Variants in ARHGEF7 observed in about 807,000 individuals in gnomAD.
ARHGEF7 encodes the protein Rho guanine nucleotide exchange factor 7, also known as PAK-interacting exchange factor beta.
Under a neutral mutation model 109.8 loss-of-function variants are expected in ARHGEF7, and 33 were observed. That is an observed-to-expected ratio of 0.30 (90% confidence interval 0.23 to 0.40). The LOEUF (loss-of-function observed/expected upper bound fraction) is 0.40, where lower values mean the gene tolerates loss of function less well. Among genes scored for constraint, ARHGEF7 ranks in the 10% least tolerant of loss-of-function variants. The probability of loss-of-function intolerance (pLI) is 1.00; values close to 1 mark genes in which losing one functional copy is unlikely to be tolerated. For missense variants in ARHGEF7, 938 were observed against 1,098.5 expected (o/e 0.85, Z 2.07); for synonymous variants, 458 against 424.6 (o/e 1.08, Z -0.97).
intron 18 of ARHGEF7, among the ~76,000 whole-genome samples, chr13:111,289,400 C>T (rs1248435489): frequency 1.3e-5 from 2 of 152,184 alleles, no homozygotes; most frequent in Non-Finnish European, 2.9e-5. Flanking sequence ...AGGGTGGCGG[C>T]TGATGCAGCG....
At chr13:111,270,634 C>T (rs758020817) in intron 9 of ARHGEF7, among the ~76,000 whole-genome samples, 1 of 152,048 alleles carries the variant, frequency 6.6e-6, no homozygotes, top group Non-Finnish European at 1.5e-5. Context: ...TAGTTTTTCT[C>T]TGCTGTACCG....
At chr13:111,230,725 T>A (rs1186458297) in intron 5 of ARHGEF7, among the ~76,000 whole-genome samples, 1 of 152,220 alleles carries the variant, frequency 6.6e-6, no homozygotes, top group Non-Finnish European at 1.5e-5. Context: ...ACTTCAGCAG[T>A]GCCCTCTTGT....
chr13:111,227,306 A>G (rs2085340066), intron 5 of ARHGEF7, among the ~76,000 whole-genome samples: 1 of 152,248 alleles, frequency 6.6e-6, no homozygotes, highest in Non-Finnish European at 1.5e-5. Context: ...CTCACGCTCC[A>G]GAGAAATCTT....
rs572797920 is a variant in ARHGEF7 at position 111,140,957 on chromosome 13, A to G, written c.166-12948A>G. Among the ~76,000 whole-genome samples the G allele has an allele frequency of 2.6e-5, 4 of 152,262 alleles. No homozygotes were observed. In the East Asian group the frequency reaches 7.7e-4, roughly 29 times the overall value. Reference sequence around the variant, plus strand: ...GCCTCCCAAAATGTTGGGATTACATATAAGTTCTAGGCATGAACTACCACA... The same window carrying G: ...GCCTCCCAAAATGTTGGGATTACATGTAAGTTCTAGGCATGAACTACCACA... On this transcript the variant is annotated intron_variant, in intron 1 of 21. Transcript: ENST00000646102.
chr13:111,176,507 C>T (rs1248664221), intron 2 of ARHGEF7, among the ~76,000 whole-genome samples: 5 of 152,206 alleles, frequency 3.3e-5, no homozygotes, highest in Non-Finnish European at 5.9e-5. Flanking sequence ...TCTCTCCTTT[C>T]TCTTCACTGT....
intron 21 of ARHGEF7, among the ~76,000 whole-genome samples, chr13:111,302,453 C>A (rs529935541): frequency 2.0e-5 from 3 of 152,194 alleles, no homozygotes; most frequent in African/African-American, 7.2e-5. Context: ...AAGCAGTGTC[C>A]GCAGGTCTTC....
At chr13:111,196,900 G>A (rs1320630196) in intron 2 of ARHGEF7, among the ~76,000 whole-genome samples, 1 of 152,080 alleles carries the variant, frequency 6.6e-6, no homozygotes, top group Non-Finnish European at 1.5e-5. Context: ...CTTCCCTCAG[G>A]TGGCCATTTT....
At chr13:111,230,852 A>G (rs753796960) in intron 5 of ARHGEF7, among the ~76,000 whole-genome samples, 1 of 152,216 alleles carries the variant, frequency 6.6e-6, no homozygotes, top group Non-Finnish European at 1.5e-5. Context: ...CCTGGACTTA[A>G]TCTGATTTGA....
intron 4 of ARHGEF7, among the ~76,000 whole-genome samples, chr13:111,215,964 C>T (rs1216994025): frequency 1.3e-5 from 2 of 151,944 alleles, no homozygotes; most frequent in Non-Finnish European, 2.9e-5. Context: ...GAAAGTGGTG[C>T]GTGGGAGGTA....
intron 1 of ARHGEF7, among the ~76,000 whole-genome samples, chr13:111,118,814 C>T (rs561639530): frequency 6.6e-6 from 1 of 152,332 alleles, no homozygotes; most frequent in East Asian, 1.9e-4. Flanking sequence ...TCTTAACTCA[C>T]TATAAAAAAC....
Position 111,232,188 on chromosome 13 carries a change from C to CCAT in ARHGEF7, c.671-1017_671-1016insCAT, listed in dbSNP as rs1423044466. On this transcript the variant is annotated intron_variant, in intron 5 of 21. Transcript: ENST00000646102. The stretch of plus-strand genomic sequence containing the variant: ...ATTGTGATAGACACACCCTATCCAT[C>CCAT]TAACCATTAATAGAAATACACACAT... Among the ~76,000 whole-genome samples, 15 of 152,254 alleles carry CCAT rather than the reference C, an allele frequency of 9.9e-5. No individual in the cohort carries two copies. In the South Asian group the frequency reaches 2.9e-3, roughly 29 times the overall value.
Position 111,115,575 on chromosome 13 carries a change from C to T in ARHGEF7, c.49C>T (p.Leu17=). 1 of 1,415,670 alleles carries T rather than the reference C, an allele frequency of 7.1e-7. No homozygotes were observed. Among genetic ancestry groups the T allele is most frequent in the Non-Finnish European group, 9.4e-7 (1 of 1,067,144 alleles). The allele number at this position is 1,415,670 out of a possible 1,614,324, so 87.7% of individuals were successfully genotyped here. The part of the protein sequence containing the change: ...TVTWLITLGV[L]ESPKKTISDP... ...TACGTGGCTCATCACTCTGGGGGTG[C>T]TGGAGTCGCCCAAAAAAACCATCTC... Residue 17 remains leucine (L), a synonymous_variant, in exon 1 of 22, where the codon CTG becomes TTG. Transcript: ENST00000646102.
intron 17 of ARHGEF7, among the ~76,000 whole-genome samples, chr13:111,287,039 C>T (rs745667586): frequency 3.3e-5 from 5 of 152,336 alleles, no homozygotes; most frequent in Non-Finnish European, 4.4e-5. Context: ...GCCCAGCAGC[C>T]GTCCCACACG....
At position 111,234,373 on chromosome 13, in the gene ARHGEF7, C is replaced by T. The variant is rs187782285; in HGVS notation, c.759+1080C>T. ...GCCCACCTTCCATCTGCCCCAGCAT[C>T]GTACTGCAGGACAGACTGGCCTGGG... On this transcript the variant is annotated intron_variant, in intron 6 of 21. Coordinates refer to ENST00000646102, the MANE Select transcript of ARHGEF7 (RefSeq NM_001354046.2). Among the ~76,000 whole-genome samples, 580 of 152,306 alleles carry T rather than the reference C, an allele frequency of 3.8e-3. 5 individuals carry two copies. Among genetic ancestry groups the T allele is most frequent in the Admixed American group, 5.0e-3 (76 of 15,312 alleles).
At chr13:111,211,193 TTTGCAGGAGCC>T (rs1471443419) in intron 4 of ARHGEF7, among the ~76,000 whole-genome samples, 3 of 152,178 alleles carry the variant, frequency 2.0e-5, no homozygotes, top group Non-Finnish European at 2.9e-5. Flanking sequence ...TGTTTCCTGC[TTTGCAGGAGCC>T]TGTTCTGGAA....
At chr13:111,280,501 G>A in intron 14 of ARHGEF7, 37 bp from the exon 15 acceptor site, 1 of 1,577,352 alleles carries the variant, frequency 6.3e-7, no homozygotes, top group Non-Finnish European at 8.6e-7. Context: ...TTTTACCTGT[G>A]TTTCCACTCG....
At chr13:111,139,076 A>G (rs1224843707) in intron 1 of ARHGEF7, among the ~76,000 whole-genome samples, 1 of 152,226 alleles carries the variant, frequency 6.6e-6, no homozygotes, top group African/African-American at 2.4e-5. Flanking sequence ...AAACTTATGA[A>G]AAGGAAATTA....
chr13:111,175,101 G>C (rs1185558924), intron 2 of ARHGEF7, among the ~76,000 whole-genome samples: 2 of 152,188 alleles, frequency 1.3e-5, no homozygotes, highest in Non-Finnish European at 2.9e-5. Context: ...AGTGGGACGA[G>C]CTTCTCTAAA....
Position 111,275,690 on chromosome 13 carries a change from C to T in ARHGEF7, c.1419+12C>T. The stretch of plus-strand genomic sequence containing the variant: ...GTGCCGGAAGTGAGGTACTGCTGCC[C>T]ACATGCACGCACCAGGGTTTCTGTC... On this transcript the variant is annotated intron_variant, in intron 12 of 21. Coordinates refer to ENST00000646102, the MANE Select transcript of ARHGEF7 (RefSeq NM_001354046.2). The T allele has an allele frequency of 5.6e-6, 9 of 1,613,936 alleles. No homozygotes were observed. Among genetic ancestry groups the T allele is most frequent in the Middle Eastern group, 1.6e-4 (1 of 6,062 alleles).
Sources: gnomAD v4.1 joint callset for allele counts (sites outside exome capture counted in the v4.1 genomes callset) on GRCh38, gnomAD v4.1.1 for gene constraint, MANE v1.5 for transcripts, NCBI Gene and HGNC (gene_info 2026-07-23, HGNC 2026-07-21) for gene names.